CACNA1A: variants seen among roughly 807,000 people sequenced by gnomAD.
CACNA1A encodes voltage-dependent P/Q-type calcium channel subunit alpha-1A.
In CACNA1A, 57 loss-of-function variants were observed where a neutral mutation model predicts 262.4. The observed-to-expected ratio is 0.22, with a 90% CI of 0.18 to 0.27. The LOEUF is 0.27. CACNA1A is among the 10% of genes least tolerant of loss of function. The pLI is 1.00. For missense variants in CACNA1A, 2,526 were observed against 3,562.8 expected, an observed-to-expected ratio of 0.71 and a Z score of 7.41; for synonymous variants, 1,431 against 1,419.3, an observed-to-expected ratio of 1.01 and a Z score of -0.18.
intron 24 of CACNA1A, chr19:13,272,568 G>C (rs2057048382): frequency 6.6e-6 from 1 of 152,206 alleles, no homozygotes; most frequent in African/African-American, 2.4e-5. Flanking sequence ...AAGGACATAG[G>C]TCATCAACAG....
chr19:13,466,154 AT>A (rs2061232034), intron 1 of CACNA1A, among the ~76,000 whole-genome samples: 1 of 151,208 alleles, frequency 6.6e-6, no homozygotes, highest in Non-Finnish European at 1.5e-5. Context: ...AAAATGGTTA[AT>A]TTTCTGTTAT....
chr19:13,454,534 C>G (rs1229501773), intron 2 of CACNA1A, among the ~76,000 whole-genome samples: 2 of 151,994 alleles, frequency 1.3e-5, no homozygotes, highest in Non-Finnish European at 2.9e-5. Context: ...CCATATCCAG[C>G]TAATTTTGTA....
chr19:13,227,455 C>A lies in CACNA1A; in HGVS notation c.5601G>T (p.Lys1867Asn). 1.2e-6 allele frequency: 2 copies of A among 1,608,950 alleles called. No individual in the cohort carries two copies. The highest frequency in any genetic ancestry group is 1.7e-6 in the Non-Finnish European group (2 of 1,176,610). Reference protein sequence around the residue: ...HMSPPLGLGKKCPARVAYKRL... With the variant: ...HMSPPLGLGKNCPARVAYKRL... ...CCTTGTAAGCCACTCTGGCCGGACA[C>A]TTCTTCCCCAGACCCAGGGGCGGAG... The change falls in exon 37 of 47, where the codon AAG becomes AAT. Residue 1867 changes from lysine to asparagine, a missense_variant. Lys to Asn is a moderately conservative substitution (Grantham distance 94). Transcript: ENST00000360228.
chr19:13,489,449 C>T (rs1042980649), intron 1 of CACNA1A, among the ~76,000 whole-genome samples: 4 of 152,196 alleles, frequency 2.6e-5, no homozygotes, highest in East Asian at 1.9e-4. Flanking sequence ...CCAACACCCT[C>T]GGCCAATTTT....
chr19:13,229,762 C>T (rs569601153), intron 36 of CACNA1A: 3 of 224,438 alleles, frequency 1.3e-5, no homozygotes, highest in Admixed American at 5.5e-5. Context: ...CTGGCTAATG[C>T]ATCCTCACCA....
intron 20 of CACNA1A, 144 bp downstream of exon 20, chr19:13,286,359 T>C: frequency 2.2e-6 from 1 of 462,024 alleles, no homozygotes; most frequent in Non-Finnish European, 3.8e-6. Context: ...CCCTGTGGGG[T>C]AGGAAACTAC....
chr19:13,316,348 C>T (rs1029290466), intron 11 of CACNA1A: 2 of 152,206 alleles, frequency 1.3e-5, no homozygotes, highest in African/African-American at 4.8e-5. Context: ...TCCTCACCCT[C>T]ACTTGGCCCT....
rs1209375412 is a variant in CACNA1A at position 13,310,512 on chromosome 19, AT to A, written c.1669-1985del. On this transcript the variant is annotated intron_variant, in intron 12 of 46. Coordinates refer to ENST00000360228, the MANE Select transcript of CACNA1A (RefSeq NM_001127222.2). ...AAAATATATATATATATATATATAT[AT>A]GTAGAGAGAGAGAGAGAGTTTAATT... Among the ~76,000 whole-genome samples the A allele has an allele frequency of 5.5e-3, 246 of 44,550 alleles. 50 individuals are homozygous for A. In the East Asian group the frequency reaches 0.12, roughly 22 times the overall value. The allele number at this position is 44,550 out of a possible 152,430, so 29.2% of individuals were successfully genotyped here.
intron 22 of CACNA1A, chr19:13,277,396 C>G (rs988026934): frequency 6.2e-6 from 2 of 320,142 alleles, no homozygotes; most frequent in African/African-American, 4.2e-5. Context: ...TTCGCTAACC[C>G]ACGGGAAGGG....
At chr19:13,302,106 C>T (rs931315620) in intron 17 of CACNA1A, among the ~76,000 whole-genome samples, 13 of 152,186 alleles carry the variant, frequency 8.5e-5, no homozygotes, top group Non-Finnish European at 7.3e-5. Flanking sequence ...AAGCTGCAGA[C>T]CCAGACGGCC....
chr19:13,207,889 CT>C lies in CACNA1A; in HGVS notation c.6944del (p.Gln2315ArgfsTer293). 6.8e-7 allele frequency: 1 copy of C among 1,466,826 alleles called. No individual in the cohort carries two copies. Among genetic ancestry groups the C allele is most frequent in the South Asian group, 1.4e-5 (1 of 73,772 alleles). 90.9% of individuals were successfully genotyped at this position (1,466,826 alleles called of 1,614,324 possible). A position where few individuals can be genotyped will look rare whatever the true frequency, so the allele number is the denominator to read the frequency against. ...GCTGCTGCTGCTGCTGCTGCTGCTG[CT>C]GCTGCTGCGGGGGCCCCGAGCCGCC... ...KAGGSGPPQQ[Q>X]QQQQQQQQQQ... On this transcript the variant is annotated frameshift_variant, in exon 47 of 47. Transcript: ENST00000360228. LOFTEE classifies it low-confidence loss of function (END_TRUNC). The surrounding 1 kb of genome is among the most constrained non-coding windows in gnomAD (Gnocchi z 5.7).
intron 12 of CACNA1A, among the ~76,000 whole-genome samples, chr19:13,312,008 C>T (rs1471254704): frequency 6.6e-6 from 1 of 152,148 alleles, no homozygotes; most frequent in Non-Finnish European, 1.5e-5. Flanking sequence ...TGGCCTGTGT[C>T]TCCTAGGTAT....
chr19:13,490,343 G>A (rs1980608729), intron 1 of CACNA1A, among the ~76,000 whole-genome samples: 1 of 152,116 alleles, frequency 6.6e-6, no homozygotes, highest in East Asian at 1.9e-4. Flanking sequence ...GGTAGCTCAC[G>A]CCTGTAATGC....
At chr19:13,365,053 C>T (rs1223397688) in intron 5 of CACNA1A, 1 of 304,996 alleles carries the variant, frequency 3.3e-6, no homozygotes. Context: ...TTTCTCTGCT[C>T]ACTTCCTCAT....
At position 13,402,901 on chromosome 19, in the gene CACNA1A, TA is replaced by T. The variant is rs2059933791; in HGVS notation, c.540-31123del. ...ATATATATATATATATATATATATA[TA>T]TATATATATATATACTTGCAAGTGA... On this transcript the variant is annotated intron_variant, in intron 3 of 46. Transcript: ENST00000360228. Among the ~76,000 whole-genome samples the T allele has an allele frequency of 2.3e-5, 3 of 130,082 alleles. No homozygotes were observed. In the South Asian group the frequency reaches 7.3e-4, roughly 32 times the overall value. The allele number at this position is 130,082 out of a possible 152,430, so 85.3% of individuals were successfully genotyped here.
At chr19:13,419,406 T>C (rs1310281930) in intron 3 of CACNA1A, among the ~76,000 whole-genome samples, 1 of 152,214 alleles carries the variant, frequency 6.6e-6, no homozygotes, top group Non-Finnish European at 1.5e-5. Flanking sequence ...CTGGAAACAG[T>C]GGCTCATATC....
At chr19:13,449,947 C>T (rs907689834) in intron 3 of CACNA1A, among the ~76,000 whole-genome samples, 3 of 152,052 alleles carry the variant, frequency 2.0e-5, no homozygotes, top group African/African-American at 7.2e-5. Flanking sequence ...TCAAGACCAG[C>T]CTGGCCAACA....
At chr19:13,391,625 G>A (rs7247256) in intron 3 of CACNA1A, among the ~76,000 whole-genome samples, 2,238 of 152,178 alleles carry the variant, frequency 0.015, 63 homozygotes, top group African/African-American at 0.052. Flanking sequence ...TGCCGGGTGC[G>A]GTGGCTCACA....
intron 3 of CACNA1A, among the ~76,000 whole-genome samples, chr19:13,395,257 G>A (rs2059788807): frequency 7.8e-6 from 1 of 128,072 alleles, no homozygotes; most frequent in Non-Finnish European, 1.6e-5. Context: ...CTGGGCAACA[G>A]AGTGAGACTC....
Sources: gnomAD v4.1 joint callset for allele counts (sites outside exome capture counted in the v4.1 genomes callset) on GRCh38, gnomAD v4.1.1 for gene constraint, Gnocchi (gnomAD v3.1) non-coding constraint, MANE v1.5 for transcripts, NCBI Gene and HGNC (gene_info 2026-07-23, HGNC 2026-07-21) for gene names.